GLT1D1: variants seen among roughly 807,000 people sequenced by gnomAD.
GLT1D1 encodes glycosyltransferase 1 domain containing 1.
A neutral mutation model predicts 28.7 loss-of-function variants in GLT1D1; 21 were observed. The observed-to-expected ratio is 0.73, with a 90% CI of 0.52 to 1.05. GLT1D1 has a LOEUF of 1.05. Among genes scored for constraint, GLT1D1 ranks in the 50% least tolerant of loss-of-function variants. The pLI is 0.00. For synonymous variants in GLT1D1, 147 were observed against 124.8 expected (o/e 1.18, Z -1.19); for missense variants, 343 against 330.6 (o/e 1.04, Z -0.29).
intron 1 of GLT1D1, among the ~76,000 whole-genome samples, chr12:128,874,104 C>G (rs1176310413): frequency 2.2e-4 from 10 of 45,820 alleles, no homozygotes; most frequent in African/African-American, 1.1e-3. Context: ...TTCTTTCTCT[C>G]TCTCTCTCTC....
chr12:128,968,991 C>T (rs1878760740), intron 7 of GLT1D1, among the ~76,000 whole-genome samples: 1 of 152,040 alleles, frequency 6.6e-6, no homozygotes, highest in South Asian at 2.1e-4. Context: ...CTCCCTCTGC[C>T]TCTGTCTCGT....
At chr12:128,942,820 G>C (rs1875498399) in intron 4 of GLT1D1, among the ~76,000 whole-genome samples, 1 of 147,956 alleles carries the variant, frequency 6.8e-6, no homozygotes, top group Non-Finnish European at 1.5e-5. Context: ...GCACGATCTA[G>C]GCTCACTGCA....
chr12:128,872,856 T>C (rs1956733595), intron 1 of GLT1D1, among the ~76,000 whole-genome samples: 1 of 151,720 alleles, frequency 6.6e-6, no homozygotes, highest in South Asian at 2.1e-4. Context: ...TCTTTCTTTC[T>C]TTCTCTTTCT....
intron 3 of GLT1D1, among the ~76,000 whole-genome samples, chr12:128,893,439 G>A (rs1869290438): frequency 6.6e-6 from 1 of 151,946 alleles, no homozygotes; most frequent in Non-Finnish European, 1.5e-5. Context: ...TTAAGCTATA[G>A]ATATTTAAGC....
At chr12:128,869,597 G>A (rs1021546392) in intron 1 of GLT1D1, among the ~76,000 whole-genome samples, 2 of 152,014 alleles carry the variant, frequency 1.3e-5, no homozygotes, top group African/African-American at 2.4e-5. Context: ...CGTATAAGTA[G>A]TAATATATAT....
intron 4 of GLT1D1, chr12:128,945,101 G>C (rs939358188): frequency 1.6e-5 from 11 of 700,564 alleles, no homozygotes; most frequent in Non-Finnish European, 2.9e-5. Context: ...CCGCTGGAAA[G>C]GTGCTTTAGC....
chr12:128,964,631 G>A (rs542753641), intron 7 of GLT1D1, among the ~76,000 whole-genome samples: 7 of 152,284 alleles, frequency 4.6e-5, no homozygotes, highest in South Asian at 2.1e-4. Flanking sequence ...CATAATCACC[G>A]TTGGACCTGT....
At chr12:128,957,036 A>G (rs186041499) in intron 6 of GLT1D1, among the ~76,000 whole-genome samples, 5 of 152,358 alleles carry the variant, frequency 3.3e-5, no homozygotes, top group East Asian at 1.9e-4. Context: ...CATCAGGCAC[A>G]TATCTCCAGA....
intron 4 of GLT1D1, among the ~76,000 whole-genome samples, chr12:128,913,783 G>A (rs1871796292): frequency 6.6e-6 from 1 of 152,212 alleles, no homozygotes; most frequent in Non-Finnish European, 1.5e-5. Context: ...GGGCTCTGAG[G>A]CAGCGCGTAG....
chr12:128,958,897 G>A (rs549422225), intron 7 of GLT1D1, among the ~76,000 whole-genome samples: 3 of 141,240 alleles, frequency 2.1e-5, no homozygotes, highest in Non-Finnish European at 3.0e-5. Flanking sequence ...CAGTGCAGTG[G>A]TGTGATCATG....
chr12:128,894,722 T>TA (rs1869437206), intron 3 of GLT1D1, among the ~76,000 whole-genome samples: 4 of 152,002 alleles, frequency 2.6e-5, no homozygotes, highest in Admixed American at 6.6e-5. Context: ...TGGTGGTGCG[T>TA]GCCTGTAATC....
chr12:128,928,091 A>G (rs1873469879), intron 4 of GLT1D1, among the ~76,000 whole-genome samples: 1 of 151,850 alleles, frequency 6.6e-6, no homozygotes. Flanking sequence ...TTAAAGTTAT[A>G]TAAAGTGAAA....
intron 1 of GLT1D1, among the ~76,000 whole-genome samples, chr12:128,853,852 G>C (rs1956135120): frequency 6.6e-6 from 1 of 152,130 alleles, no homozygotes; most frequent in Non-Finnish European, 1.5e-5. Flanking sequence ...CGTGTCCCCG[G>C]GTCTCCGTGC....
intron 4 of GLT1D1, 159 bp from the exon 6 acceptor site, chr12:128,914,774 C>T (rs747126555): frequency 7.2e-6 from 4 of 558,292 alleles, no homozygotes; most frequent in African/African-American, 5.7e-5. Flanking sequence ...GAGCAGAGAT[C>T]GTGGCACTGC....
chr12:128,874,098 TTCTC>T (rs1263001892), intron 1 of GLT1D1, among the ~76,000 whole-genome samples: 13 of 33,048 alleles, frequency 3.9e-4, no homozygotes, highest in African/African-American at 1.3e-3. Flanking sequence ...CTTTCTTTCT[TTCTC>T]TCTCTCTCTC....
intron 7 of GLT1D1, among the ~76,000 whole-genome samples, chr12:128,975,064 C>T (rs149636482): frequency 6.6e-6 from 1 of 152,342 alleles, no homozygotes; most frequent in East Asian, 1.9e-4. Flanking sequence ...AACCTCCTTC[C>T]TCATGCTACA....
In GLT1D1 at chr12:128,945,322, T is replaced by G. The variant is rs1284642424; in HGVS notation, c.376-4T>G. Reference sequence around the variant, plus strand: ...CGCTGACATTTATCTTTGTCTCTTTTCAGGTCGATCCAGTGTTTACAAGGG... The same window carrying G: ...CGCTGACATTTATCTTTGTCTCTTTGCAGGTCGATCCAGTGTTTACAAGGG... On this transcript the variant is annotated splice_region_variant and splice_polypyrimidine_tract_variant and intron_variant, in intron 4 of 7. Coordinates refer to ENST00000281703, the MANE Select transcript of GLT1D1 (RefSeq NM_144669.3). The G allele has an allele frequency of 1.2e-6, 2 of 1,614,038 alleles. No individual in the cohort carries two copies. Among genetic ancestry groups the G allele is most frequent in the East Asian group, 2.2e-5 (1 of 44,874 alleles).
chr12:128,883,716 C>T (rs34232000), intron 2 of GLT1D1, among the ~76,000 whole-genome samples: 2,854 of 152,080 alleles, frequency 0.019, 42 homozygotes, highest in Middle Eastern at 0.041. Context: ...AAGACCCTTA[C>T]GTGGGTGGCT....
intron 7 of GLT1D1, among the ~76,000 whole-genome samples, chr12:128,960,099 C>G (rs563260009): frequency 6.6e-6 from 1 of 152,142 alleles, no homozygotes; most frequent in Admixed American, 6.5e-5. Context: ...TTCCTGTGAG[C>G]CATCAGACAC....
Sources: allele counts gnomAD v4.1 joint callset (sites outside exome capture counted in the v4.1 genomes callset), GRCh38; gene constraint gnomAD v4.1.1; transcripts MANE v1.5; gene names NCBI Gene and HGNC (gene_info 2026-07-23, HGNC 2026-07-21).